RAP1GAP2: variants seen among roughly 807,000 people sequenced by gnomAD.
RAP1GAP2 encodes rap1 GTPase-activating protein 2.
A neutral mutation model predicts 95.0 loss-of-function variants in RAP1GAP2; 27 were observed. That is an observed-to-expected ratio of 0.28 (90% confidence interval 0.21 to 0.39). The LOEUF (loss-of-function observed/expected upper bound fraction) is 0.39, where lower values mean the gene tolerates loss of function less well. Ranked by LOEUF, RAP1GAP2 falls within the 10% of genes least tolerant of loss-of-function variation. RAP1GAP2 has a pLI of 1.00. For missense variants in RAP1GAP2, 771 were observed against 970.0 expected (o/e 0.79, Z 2.72); for synonymous variants, 373 against 380.9 (o/e 0.98, Z 0.24).
chr17:2,809,484 C>T lies in RAP1GAP2; in HGVS notation c.80+8934C>T, dbSNP rs1016135525. ...ACCGGGTGGCCTGTGGCCCGCCAGCCGAGACCCAACCATCCCCGGAGGCCC... is the reference window on the plus strand; with the variant it reads ...ACCGGGTGGCCTGTGGCCCGCCAGCTGAGACCCAACCATCCCCGGAGGCCC... On this transcript the variant is annotated intron_variant, in intron 2 of 24. Transcript: ENST00000254695. Among the ~76,000 whole-genome samples, 4 of 152,150 alleles carry T rather than the reference C, an allele frequency of 2.6e-5. No homozygotes were observed. The East Asian group carries it at 5.8e-4, about 22-fold the overall frequency.
upstream of RAP1GAP2, among the ~76,000 whole-genome samples, chr17:2,793,006 A>G (rs1370758000): frequency 6.6e-6 from 1 of 152,158 alleles, no homozygotes; most frequent in Admixed American, 6.6e-5. Flanking sequence ...ACATGTGGTC[A>G]GTGTGGGTGG....
intron 2 of RAP1GAP2, among the ~76,000 whole-genome samples, chr17:2,838,249 A>C (rs959372091): frequency 6.6e-6 from 1 of 151,180 alleles, no homozygotes; most frequent in African/African-American, 2.4e-5. Context: ...TGAACTCCTG[A>C]TCTTGTGATC....
At chr17:2,979,460 G>GTTTTTTTTTTTTT (rs71153320) in intron 8 of RAP1GAP2, among the ~76,000 whole-genome samples, 1 of 78,606 alleles carries the variant, frequency 1.3e-5, no homozygotes, top group Non-Finnish European at 2.3e-5. Flanking sequence ...GGCGTGTTCT[G>GTTTTTTTTTTTTT]TTTTTTTTTT....
intron 16 of RAP1GAP2, among the ~76,000 whole-genome samples, chr17:3,007,650 C>T (rs562812251): frequency 1.4e-4 from 22 of 152,242 alleles, no homozygotes; most frequent in Admixed American, 2.6e-4. Flanking sequence ...TGGCTCTGGA[C>T]GAACATCTGG....
chr17:2,762,161 G>A (rs2071265724), intron 1 of RAP1GAP2, among the ~76,000 whole-genome samples: 1 of 151,130 alleles, frequency 6.6e-6, no homozygotes, highest in Non-Finnish European at 1.5e-5. Context: ...CTAATTTTTT[G>A]TGTTTTTAGT....
chr17:2,896,653 C>T (rs990669744), intron 2 of RAP1GAP2, among the ~76,000 whole-genome samples: 1 of 152,154 alleles, frequency 6.6e-6, no homozygotes, highest in African/African-American at 2.4e-5. Flanking sequence ...ACGAGGGGGC[C>T]CCAGGTGCCC....
intron 24 of RAP1GAP2, 68 bp downstream of exon 24, chr17:3,032,517 A>C (rs2047357392): frequency 2.0e-6 from 3 of 1,477,564 alleles, no homozygotes; most frequent in African/African-American, 2.8e-5. Context: ...TCAGGGAACT[A>C]GAGGCCTTGT....
chr17:2,921,633 G>A (rs984856074), intron 3 of RAP1GAP2, among the ~76,000 whole-genome samples: 26 of 151,216 alleles, frequency 1.7e-4, no homozygotes, highest in East Asian at 7.8e-4. Flanking sequence ...TCGTTAAGGT[G>A]TCAGCAGGGC....
At chr17:2,935,718 G>A (rs1386992898) in intron 3 of RAP1GAP2, among the ~76,000 whole-genome samples, 1 of 152,204 alleles carries the variant, frequency 6.6e-6, no homozygotes. Context: ...CTTCGGAAGT[G>A]CCGGAGGATG....
upstream of RAP1GAP2, among the ~76,000 whole-genome samples, chr17:2,773,213 A>T (rs2068432174): frequency 6.6e-6 from 1 of 152,152 alleles, no homozygotes; most frequent in South Asian, 2.1e-4. Context: ...GTCAAGTTCC[A>T]GAGTCAGCAG....
In RAP1GAP2 at chr17:2,963,425, T is replaced by G; in HGVS notation, c.247-5T>G. 2 of 1,613,806 alleles carry G rather than the reference T, an allele frequency of 1.2e-6. No individual in the cohort carries two copies. Among genetic ancestry groups the G allele is most frequent in the Non-Finnish European group, 1.7e-6 (2 of 1,179,790 alleles). ...AACGGTGGCATCATCTGGTTTGTCT[T>G]GCAGGACGACTATATCCCATACCCC... On this transcript the variant is annotated splice_polypyrimidine_tract_variant and splice_region_variant and intron_variant, in intron 5 of 24. Transcript: ENST00000254695. The surrounding 1 kb of genome is among the most constrained non-coding windows in gnomAD (Gnocchi z 4.8).
At chr17:2,776,258 T>C (rs2068496386), upstream of RAP1GAP2, among the ~76,000 whole-genome samples, 1 of 152,164 alleles carries the variant, frequency 6.6e-6, no homozygotes, top group South Asian at 2.1e-4. Context: ...AGCATAGCGT[T>C]CTGTACCCCG....
rs569687106 is a variant in RAP1GAP2, at chr17:2,882,737, C to T, written c.81-22547C>T. Among the ~76,000 whole-genome samples the T allele has an allele frequency of 4.9e-4, 74 of 152,194 alleles. 1 individual carries two copies. In the South Asian group the frequency reaches 7.5e-3, roughly 15 times the overall value. Reference sequence around the variant, plus strand: ...TGGAGATGGGCTGGGATGCGGGTGCCGTTGTCTAGGTGAGAGATCATGCTT... The same window carrying T: ...TGGAGATGGGCTGGGATGCGGGTGCTGTTGTCTAGGTGAGAGATCATGCTT... On this transcript the variant is annotated intron_variant, in intron 2 of 24. Coordinates refer to ENST00000254695, the MANE Select transcript of RAP1GAP2 (RefSeq NM_015085.5).
intron 1 of RAP1GAP2, among the ~76,000 whole-genome samples, chr17:2,778,734 G>A (rs2068567205): frequency 6.6e-6 from 1 of 152,208 alleles, no homozygotes; most frequent in South Asian, 2.1e-4. Flanking sequence ...CCCCTCAATG[G>A]GAGCCCGAGA....
chr17:2,833,760 A>C (rs913959930), intron 2 of RAP1GAP2, among the ~76,000 whole-genome samples: 1 of 152,010 alleles, frequency 6.6e-6, no homozygotes, highest in African/African-American at 2.4e-5. Context: ...TACACATGAA[A>C]GTGTTTCTCT....
upstream of RAP1GAP2, among the ~76,000 whole-genome samples, chr17:2,795,881 T>C (rs2069064689): frequency 3.3e-5 from 5 of 152,250 alleles, no homozygotes; most frequent in South Asian, 1.0e-3. Flanking sequence ...TCTGCGTGCA[T>C]GTATCTGTGT....
At chr17:2,772,519 T>G (rs1256752578), upstream of RAP1GAP2, among the ~76,000 whole-genome samples, 1 of 151,908 alleles carries the variant, frequency 6.6e-6, no homozygotes, top group Non-Finnish European at 1.5e-5. Flanking sequence ...GCTGGTCAAC[T>G]CCTAGGTTCA....
At chr17:2,881,647 T>C (rs758151680) in intron 2 of RAP1GAP2, among the ~76,000 whole-genome samples, 6 of 152,198 alleles carry the variant, frequency 3.9e-5, no homozygotes, top group Non-Finnish European at 8.8e-5. Flanking sequence ...TTTTCTGGAG[T>C]GGAATTGCTG....
Position 2,796,480 on chromosome 17 carries a change from G to A in RAP1GAP2, c.-48G>A. 1 of 1,550,534 alleles carries A rather than the reference G, an allele frequency of 6.4e-7. No homozygotes were observed. The highest frequency in any genetic ancestry group is 8.7e-7 in the Non-Finnish European group (1 of 1,146,464). On this transcript the variant is annotated 5_prime_UTR_variant, in exon 1 of 25. Transcript: ENST00000254695. This position sits in a 1 kb window ranked among gnomAD's most constrained non-coding sequence, Gnocchi z 4.7. ...ACGGCCCTCTTGCGGACAGCCCCGG[G>A]GACGTCGTTGGGACATCGCTGGGAC...
Sources: gnomAD v4.1 joint callset for allele counts (sites outside exome capture counted in the v4.1 genomes callset) on GRCh38, gnomAD v4.1.1 for gene constraint, Gnocchi (gnomAD v3.1) non-coding constraint, MANE v1.5 for transcripts, NCBI Gene and HGNC (gene_info 2026-07-23, HGNC 2026-07-21) for gene names.